Variants in CPED1 observed in about 807,000 individuals in gnomAD.
CPED1 encodes cadherin-like and PC-esterase domain-containing protein 1.
Under a neutral mutation model 128.2 loss-of-function variants are expected in CPED1, and 114 were observed. The observed-to-expected ratio is 0.89, with a 90% CI of 0.76 to 1.04. The LOEUF is 1.04. Ranked by LOEUF, CPED1 falls within the 50% of genes least tolerant of loss-of-function variation. CPED1 has a pLI of 0.00. For synonymous variants in CPED1, 462 were observed against 426.7 expected, an observed-to-expected ratio of 1.08 and a Z score of -1.02; for missense variants, 1,211 against 1,207.1, an observed-to-expected ratio of 1.00 and a Z score of -0.05.
intron 16 of CPED1, among the ~76,000 whole-genome samples, chr7:121,189,797 T>TATATATATATATATAA (rs1563059453): frequency 1.8e-5 from 1 of 57,036 alleles, no homozygotes; most frequent in Non-Finnish European, 3.7e-5. Context: ...TATATATATA[T>TATATATATATATATAA]AAAATTTGTA....
intron 16 of CPED1, among the ~76,000 whole-genome samples, chr7:121,231,288 T>G (rs775832662): frequency 4.6e-5 from 7 of 152,076 alleles, no homozygotes; most frequent in Non-Finnish European, 1.0e-4. Flanking sequence ...AGATTTACTT[T>G]ACTACAACAT....
Position 121,294,067 on chromosome 7 carries a change from A to G in CPED1, c.2869-1373A>G, listed in dbSNP as rs111642105. Among the ~76,000 whole-genome samples, 167 of 151,312 alleles carry G rather than the reference A, an allele frequency of 1.1e-3. 1 individual carries two copies. The highest frequency in any genetic ancestry group is 3.9e-3 in the African/African-American group (161 of 41,208). The stretch of plus-strand genomic sequence containing the variant: ...TTTCTACTTCCCAACCTTTCCCCCA[A>G]TCTCTCTCGGTCCTCCTTTTGTTCT... On this transcript the variant is annotated intron_variant, in intron 22 of 22. Transcript: ENST00000310396.
At chr7:121,244,940 A>G (rs576644681) in intron 18 of CPED1, among the ~76,000 whole-genome samples, 1 of 152,350 alleles carries the variant, frequency 6.6e-6, no homozygotes, top group East Asian at 1.9e-4. Flanking sequence ...TGCTCTGACT[A>G]GGTAGAGTCT....
intron 3 of CPED1, among the ~76,000 whole-genome samples, chr7:121,037,725 G>A (rs950074154): frequency 2.0e-5 from 3 of 152,076 alleles, no homozygotes; most frequent in African/African-American, 7.2e-5. Context: ...ATTGCCTTTG[G>A]CAGTTTGGTC....
In CPED1 at chr7:121,129,287, G is replaced by GTATATATATATATATACACGTA. The variant is rs1795589191; in HGVS notation, c.1407+817_1407+818insCACGTATATATATATATATATA. On this transcript the variant is annotated intron_variant, in intron 11 of 22. Transcript: ENST00000310396. ...AAAGTATATGTGTGTGTGTATATATGTATATATATATATATATATATATAC... is the reference window on the plus strand; with the variant it reads ...AAAGTATATGTGTGTGTGTATATATGTATATATATATATATACACGTATATATATATATATATATATATATAC... 1.1e-3 allele frequency among the ~76,000 whole-genome samples: 59 copies of GTATATATATATATATACACGTA among 52,014 alleles called. No individual in the cohort carries two copies. In the South Asian group the frequency reaches 0.013, roughly 12 times the overall value. The allele number at this position is 52,014 out of a possible 152,430, so 34.1% of individuals were successfully genotyped here.
chr7:121,291,028 C>G (rs1364099844), intron 22 of CPED1, among the ~76,000 whole-genome samples: 1 of 152,168 alleles, frequency 6.6e-6, no homozygotes, highest in Admixed American at 6.5e-5. Flanking sequence ...TATGGCTAGC[C>G]AGTTTTCCCA....
At chr7:121,114,032 A>G (rs929999288) in intron 7 of CPED1, among the ~76,000 whole-genome samples, 22 of 151,896 alleles carry the variant, frequency 1.4e-4, no homozygotes, top group Admixed American at 1.4e-3. Context: ...GCCTTTCACC[A>G]TGTTAGCCAG....
At position 121,295,891 on chromosome 7, in the gene CPED1, A is replaced by G; in HGVS notation, c.*239A>G. ...CCATTTCACAGTGAAAGATATACCTAGAGAAACGTTACTTGAAGCATAATT... is the reference window on the plus strand; with the variant it reads ...CCATTTCACAGTGAAAGATATACCTGGAGAAACGTTACTTGAAGCATAATT... On this transcript the variant is annotated 3_prime_UTR_variant, in exon 23 of 23. Coordinates refer to ENST00000310396, the MANE Select transcript of CPED1 (RefSeq NM_024913.5). The G allele has an allele frequency of 2.5e-6, 1 of 393,438 alleles. No individual in the cohort carries two copies. The highest frequency in any genetic ancestry group is 4.6e-6 in the Non-Finnish European group (1 of 218,012). The allele number at this position is 393,438 out of a possible 1,614,324, so 24.4% of individuals were successfully genotyped here.
chr7:121,270,607 G>A (rs1339558459), intron 21 of CPED1, among the ~76,000 whole-genome samples: 1 of 152,068 alleles, frequency 6.6e-6, no homozygotes, highest in African/African-American at 2.4e-5. Flanking sequence ...AATATAGAGA[G>A]CCAGTTATCC....
rs140183112 is a variant in CPED1 at position 121,176,216 on chromosome 7, A to AAAC, written c.2055+34075_2055+34076insAAC. Reference sequence around the variant, plus strand: ...TGGAAAAAAAAAAAAAAAAAAAAAAACACCTCTGGAAATAACTTGAATTGC... The same window carrying AAAC: ...TGGAAAAAAAAAAAAAAAAAAAAAAAAACCACCTCTGGAAATAACTTGAATTGC... On this transcript the variant is annotated intron_variant, in intron 16 of 22. Coordinates refer to ENST00000310396, the MANE Select transcript of CPED1 (RefSeq NM_024913.5). Among the ~76,000 whole-genome samples, 672 of 93,008 alleles carry AAAC rather than the reference A, an allele frequency of 7.2e-3. 53 individuals carry two copies. The highest frequency in any genetic ancestry group is 0.022 in the Middle Eastern group (3 of 138). 61.0% of individuals were successfully genotyped at this position (93,008 alleles called of 152,430 possible).
At chr7:121,171,210 T>TA (rs1369525237) in intron 16 of CPED1, among the ~76,000 whole-genome samples, 1 of 152,226 alleles carries the variant, frequency 6.6e-6, no homozygotes. Flanking sequence ...ATGCCCCTGC[T>TA]ACCATTTAAA....
chr7:121,005,721 T>C (rs1395418238), intron 2 of CPED1, among the ~76,000 whole-genome samples: 1 of 152,226 alleles, frequency 6.6e-6, no homozygotes, highest in African/African-American at 2.4e-5. Flanking sequence ...GGCTTTTACT[T>C]AAACTATGTT....
At chr7:121,266,528 A>G in intron 19 of CPED1, 81 bp downstream of exon 19, 1 of 1,271,652 alleles carries the variant, frequency 7.9e-7, no homozygotes, top group Non-Finnish European at 1.1e-6. Context: ...TCAACTACTC[A>G]CTGTACATCA....
chr7:121,239,880 C>G (rs1225889378), intron 17 of CPED1, among the ~76,000 whole-genome samples: 1 of 152,144 alleles, frequency 6.6e-6, no homozygotes, highest in Non-Finnish European at 1.5e-5. Flanking sequence ...ACATATGTCA[C>G]ACTTTACTTC....
chr7:121,255,210 T>C (rs1027353593), intron 18 of CPED1, among the ~76,000 whole-genome samples: 3 of 152,038 alleles, frequency 2.0e-5, no homozygotes, highest in African/African-American at 7.2e-5. Flanking sequence ...ATTAATACAC[T>C]ACAACCAAGT....
At chr7:120,997,701 A>T (rs1048222654) in intron 2 of CPED1, among the ~76,000 whole-genome samples, 3 of 152,088 alleles carry the variant, frequency 2.0e-5, no homozygotes, top group Admixed American at 6.5e-5. Context: ...TGGGTGGATC[A>T]CCTGAGGTCA....
chr7:121,032,575 G>A (rs1162677957), intron 3 of CPED1, among the ~76,000 whole-genome samples: 6 of 151,800 alleles, frequency 4.0e-5, no homozygotes, highest in East Asian at 1.9e-4. Flanking sequence ...GGGAGGGAGA[G>A]CATTAGGACC....
At chr7:121,117,077 T>TTATATATATATATATATATATATAAA in intron 7 of CPED1, among the ~76,000 whole-genome samples, 1 of 128,776 alleles carries the variant, frequency 7.8e-6, no homozygotes, top group African/African-American at 3.0e-5. Context: ...TATATACACA[T>TTATATATATATATATATATATATAAA]TATATATATA....
intron 16 of CPED1, among the ~76,000 whole-genome samples, chr7:121,146,874 C>A (rs1796034455): frequency 6.6e-6 from 1 of 152,066 alleles, no homozygotes. Context: ...TAACATATAA[C>A]CAGATTGGGA....
Sources: gnomAD v4.1 joint callset for allele counts (sites outside exome capture counted in the v4.1 genomes callset) on GRCh38, gnomAD v4.1.1 for gene constraint, MANE v1.5 for transcripts, NCBI Gene and HGNC (gene_info 2026-07-23, HGNC 2026-07-21) for gene names.